The following PRIM2 variants were observed in gnomAD, a reference collection of about 807,000 sequenced individuals.
PRIM2 encodes the protein DNA primase subunit 2, also known as DNA primase large subunit.
A neutral mutation model predicts 67.3 loss-of-function variants in PRIM2; 39 were observed. The ratio of observed to expected loss-of-function variants is 0.58; its 90% CI spans 0.45 to 0.76. PRIM2 has a LOEUF of 0.76. Among genes scored for constraint, PRIM2 ranks in the 30% least tolerant of loss-of-function variants. The pLI is 0.00. For missense variants in PRIM2, 398 were observed against 598.7 expected (o/e 0.66, Z 3.50); for synonymous variants, 143 against 198.7 (o/e 0.72, Z 2.36).
intron 7 of PRIM2, among the ~76,000 whole-genome samples, chr6:57,458,006 G>A (rs1437986648): frequency 2.0e-5 from 3 of 152,086 alleles, no homozygotes; most frequent in African/African-American, 7.2e-5. Flanking sequence ...TTCAGCCTTG[G>A]CATTTATCTT....
At chr6:57,397,758 T>C (rs561035982) in intron 7 of PRIM2, among the ~76,000 whole-genome samples, 2 of 152,014 alleles carry the variant, frequency 1.3e-5, no homozygotes, top group African/African-American at 4.8e-5. Context: ...TTTTGAATGG[T>C]TTTTCATGTC....
At chr6:57,251,201 A>T in the PRIM2 span, among the ~76,000 whole-genome samples, 1 of 152,150 alleles carries the variant, frequency 6.6e-6, no homozygotes, top group Non-Finnish European at 1.5e-5. Flanking sequence ...TCCTTGATCC[A>T]TTTACAGATC....
the PRIM2 span, among the ~76,000 whole-genome samples, chr6:57,255,348 A>G: frequency 1.3e-5 from 2 of 152,022 alleles, no homozygotes; most frequent in Admixed American, 1.3e-4. Context: ...AATACAAAAA[A>G]TTAGCCAGGC....
intron 11 of PRIM2, among the ~76,000 whole-genome samples, chr6:57,604,282 AAAAG>A (rs1376995216): frequency 2.6e-4 from 40 of 152,294 alleles, no homozygotes; most frequent in African/African-American, 9.4e-4. Flanking sequence ...TGTCTCAAAA[AAAAG>A]AAATGCTACT....
At chr6:57,497,530 T>G (rs1175656718) in intron 7 of PRIM2, 2 of 152,184 alleles carry the variant, frequency 1.3e-5, no homozygotes, top group Non-Finnish European at 1.5e-5. Flanking sequence ...GTTCTTCATA[T>G]CATCCAGACC....
At chr6:57,557,316 G>A (rs1400374764) in intron 10 of PRIM2, among the ~76,000 whole-genome samples, 14 of 151,172 alleles carry the variant, frequency 9.3e-5, no homozygotes, top group Admixed American at 6.6e-4. Flanking sequence ...ACATATGCAC[G>A]CGAATGTTCA....
intron 3 of PRIM2, among the ~76,000 whole-genome samples, chr6:57,322,292 A>G (rs1359329275): frequency 6.6e-6 from 1 of 152,150 alleles, no homozygotes; most frequent in African/African-American, 2.4e-5. Context: ...GCATTTGATA[A>G]GTCAGGGTCT....
chr6:57,633,047 A>G (rs1398838700), intron 13 of PRIM2, among the ~76,000 whole-genome samples: 1 of 152,264 alleles, frequency 6.6e-6, no homozygotes, highest in African/African-American at 2.4e-5. Flanking sequence ...GATGGGGCAT[A>G]TAGCCCAAAA....
At chr6:57,446,331 T>C (rs183880077) in intron 7 of PRIM2, among the ~76,000 whole-genome samples, 1 of 148,388 alleles carries the variant, frequency 6.7e-6, no homozygotes, top group East Asian at 2.0e-4. Flanking sequence ...TGCCTCAGAA[T>C]AGCTTCAATA....
intron 7 of PRIM2, among the ~76,000 whole-genome samples, chr6:57,432,388 G>A (rs1570084): frequency 7.4e-6 from 1 of 134,628 alleles, no homozygotes; most frequent in Non-Finnish European, 1.5e-5. Context: ...CATTGAATGA[G>A]AAATCTGGGA....
At chr6:57,417,452 G>A (rs1209740848) in intron 7 of PRIM2, among the ~76,000 whole-genome samples, 2 of 152,200 alleles carry the variant, frequency 1.3e-5, no homozygotes, top group Non-Finnish European at 2.9e-5. Context: ...TAAAGTGAGA[G>A]AGGTGAGAAT....
intron 12 of PRIM2, among the ~76,000 whole-genome samples, chr6:57,622,485 A>T (rs1776877395): frequency 6.6e-6 from 1 of 152,172 alleles, no homozygotes; most frequent in African/African-American, 2.4e-5. Flanking sequence ...TTACTTTTAC[A>T]TGTTGGCCCA....
intron 7 of PRIM2, among the ~76,000 whole-genome samples, chr6:57,399,750 GTATC>G (rs1200013500): frequency 3.3e-5 from 5 of 151,562 alleles, no homozygotes; most frequent in Non-Finnish European, 7.4e-5. Flanking sequence ...GTGTGAGATG[GTATC>G]TCATTGTGGT....
intron 5 of PRIM2, among the ~76,000 whole-genome samples, chr6:57,371,401 T>C (rs986437653): frequency 6.6e-6 from 1 of 152,120 alleles, no homozygotes; most frequent in Non-Finnish European, 1.5e-5. Flanking sequence ...TGGGATTTGT[T>C]TAGTTAGAAC....
intron 10 of PRIM2, among the ~76,000 whole-genome samples, chr6:57,575,596 T>C (rs1775948719): frequency 2.0e-5 from 3 of 152,294 alleles, no homozygotes; most frequent in South Asian, 2.1e-4. Flanking sequence ...TTAAATGATA[T>C]TGTGAAAATA....
At chr6:57,554,701 C>T (rs1464816448) in intron 10 of PRIM2, among the ~76,000 whole-genome samples, 1 of 152,192 alleles carries the variant, frequency 6.6e-6, no homozygotes, top group Admixed American at 6.5e-5. Context: ...AGTATATATT[C>T]GTTGGCCGAA....
the PRIM2 span, among the ~76,000 whole-genome samples, chr6:57,275,311 C>A: frequency 6.6e-6 from 1 of 152,090 alleles, no homozygotes; most frequent in African/African-American, 2.4e-5. Context: ...AGGAGTGAAA[C>A]CCTGTCTCTA....
intron 10 of PRIM2, among the ~76,000 whole-genome samples, chr6:57,582,327 A>G (rs1298917306): frequency 6.6e-6 from 1 of 152,300 alleles, no homozygotes; most frequent in East Asian, 1.9e-4. Context: ...GGCGTGTTCT[A>G]TATCCTTTCC....
the PRIM2 span, among the ~76,000 whole-genome samples, chr6:57,257,079 T>C: frequency 1.3e-5 from 2 of 152,158 alleles, no homozygotes; most frequent in Non-Finnish European, 2.9e-5. Context: ...CCTGGGCCAG[T>C]GCTTCTCAAT....
Sources: gnomAD v4.1 joint callset for allele counts (sites outside exome capture counted in the v4.1 genomes callset) on GRCh38, gnomAD v4.1.1 for gene constraint, MANE v1.5 for transcripts, NCBI Gene and HGNC (gene_info 2026-07-23, HGNC 2026-07-21) for gene names.